The following ARFGEF1 variants were observed in gnomAD, a reference collection of about 807,000 sequenced individuals.
The protein encoded by ARFGEF1 is ARF guanine nucleotide exchange factor 1.
Under a neutral mutation model 231.0 loss-of-function variants are expected in ARFGEF1, and 42 were observed. That is an observed-to-expected ratio of 0.18 (90% CI 0.14 to 0.24). The LOEUF (loss-of-function observed/expected upper bound fraction) is 0.24, where lower values mean the gene tolerates loss of function less well. Among genes scored for constraint, ARFGEF1 ranks in the 10% least tolerant of loss-of-function variants. ARFGEF1 has a pLI of 1.00. For synonymous variants in ARFGEF1, 710 were observed against 732.3 expected (o/e 0.97, Z 0.49); for missense variants, 1,345 against 2,192.0 (o/e 0.61, Z 7.72).
intron 14 of ARFGEF1, 99 bp downstream of exon 14, chr8:67,265,907 C>T (rs1804832225): frequency 9.5e-7 from 1 of 1,047,542 alleles, no homozygotes. Flanking sequence ...GAACTATCCT[C>T]CATTTTACTC....
In ARFGEF1 at chr8:67,343,366, G is replaced by A. The variant is rs953890627; in HGVS notation, c.-79C>T. On this transcript the variant is annotated 5_prime_UTR_variant, in exon 1 of 39. Transcript: ENST00000262215. ...AGGGGAGGAGGAGGAGAGGAAGGAA[G>A]AGAAGAGAGAAAGGAGAGGGGGTGG... 5.5e-5 allele frequency: 83 copies of A among 1,510,416 alleles called. No homozygotes were observed. Among genetic ancestry groups the A allele is most frequent in the African/African-American group, 9.7e-5 (7 of 72,410 alleles). 93.6% of individuals were successfully genotyped at this position (1,510,416 alleles called of 1,614,324 possible).
At chr8:67,228,298 T>C (rs1206437225) in intron 23 of ARFGEF1, 34 bp from the exon 24 acceptor site, 11 of 1,576,644 alleles carry the variant, frequency 7.0e-6, no homozygotes, top group Non-Finnish European at 8.7e-6. Flanking sequence ...AAAAAATTTA[T>C]AAGTTACTGT....
At chr8:67,184,622 G>A (rs188947045) in intron 5 of ARFGEF1, among the ~76,000 whole-genome samples, 185 of 152,166 alleles carry the variant, frequency 1.2e-3, no homozygotes, top group Non-Finnish European at 2.3e-3. Context: ...CTATCTGGGA[G>A]GCTGAGGCAG....
intron 30 of ARFGEF1, 62 bp downstream of exon 30, chr8:67,219,369 G>C: frequency 2.6e-6 from 4 of 1,535,608 alleles, no homozygotes; most frequent in Non-Finnish European, 3.5e-6. Context: ...AAAATGTATT[G>C]ATTATAATAC....
chr8:67,247,197 A>G (rs2128882468), intron 19 of ARFGEF1, among the ~76,000 whole-genome samples: 1 of 150,442 alleles, frequency 6.6e-6, no homozygotes, highest in East Asian at 1.9e-4. Flanking sequence ...TATTCAAACT[A>G]TTCTGAGAAA....
chr8:67,234,443 T>C (rs1373833389), intron 22 of ARFGEF1, among the ~76,000 whole-genome samples: 1 of 152,068 alleles, frequency 6.6e-6, no homozygotes, highest in Non-Finnish European at 1.5e-5. Context: ...AACCTGGACC[T>C]AGAAGGGTAA....
intron 5 of ARFGEF1, among the ~76,000 whole-genome samples, chr8:67,295,293 A>G (rs768510598): frequency 1.3e-5 from 2 of 152,164 alleles, no homozygotes; most frequent in African/African-American, 2.4e-5. Context: ...CTGTCTTAAA[A>G]TATCTCCCCA....
At chr8:67,223,946 C>T (rs1320146752) in intron 29 of ARFGEF1, among the ~76,000 whole-genome samples, 6 of 152,012 alleles carry the variant, frequency 3.9e-5, no homozygotes, top group African/African-American at 7.3e-5. Context: ...AATTAAAATC[C>T]CTAAGGGTTA....
At chr8:67,255,315 C>T (rs1563867468) in intron 17 of ARFGEF1, among the ~76,000 whole-genome samples, 2 of 152,268 alleles carry the variant, frequency 1.3e-5, no homozygotes, top group Non-Finnish European at 1.5e-5. Flanking sequence ...CTTTTATCCT[C>T]GTGTGCTTGT....
In ARFGEF1 at chr8:67,258,818, TACAC is replaced by T. The variant is rs10576509; in HGVS notation, c.2236-532_2236-529del. Reference sequence around the variant, plus strand: ...TTTAGAAAATTTAAAAAGCAGATTTTACACACACACACACACACACACACACACA... The same window carrying T: ...TTTAGAAAATTTAAAAAGCAGATTTTACACACACACACACACACACACACA... On this transcript the variant is annotated intron_variant, in intron 15 of 38. Coordinates refer to ENST00000262215, the MANE Select transcript of ARFGEF1 (RefSeq NM_006421.5). 5.5e-3 allele frequency among the ~76,000 whole-genome samples: 782 copies of T among 142,990 alleles called. 7 individuals are homozygous for T. Among genetic ancestry groups the T allele is most frequent in the East Asian group, 0.055 (270 of 4,948 alleles). 93.8% of individuals were successfully genotyped at this position (142,990 alleles called of 152,430 possible).
chr8:67,235,141 T>C (rs1366871177), intron 22 of ARFGEF1, among the ~76,000 whole-genome samples: 3 of 149,172 alleles, frequency 2.0e-5, no homozygotes, highest in African/African-American at 4.9e-5. Context: ...AATATGTCCT[T>C]TATATTTAAA....
chr8:67,326,375 A>G (rs1330269947), intron 1 of ARFGEF1, among the ~76,000 whole-genome samples: 1 of 152,222 alleles, frequency 6.6e-6, no homozygotes, highest in Non-Finnish European at 1.5e-5. Context: ...GAGTAAATCT[A>G]TACTGGTTAA....
chr8:67,258,337 T>A (rs1204266625), intron 15 of ARFGEF1, 47 bp from the exon 16 acceptor site: 2 of 1,386,792 alleles, frequency 1.4e-6, no homozygotes, highest in Non-Finnish European at 2.0e-6. Context: ...TTCTTTTTTT[T>A]TTTTTTGAGA....
chr8:67,258,882 T>C (rs1346175003), intron 15 of ARFGEF1, among the ~76,000 whole-genome samples: 2 of 148,440 alleles, frequency 1.3e-5, no homozygotes, highest in Non-Finnish European at 2.9e-5. Flanking sequence ...CAGTGGGGGA[T>C]TGGTTCCAGG....
chr8:67,177,732 C>T lies in ARFGEF1; in HGVS notation c.561-2160G>A, dbSNP rs375100195. On this transcript the variant is annotated intron_variant, in intron 5 of 5. Transcript: ENST00000518789. Reference sequence around the variant, plus strand: ...AAGTACGAGAGCAAAGAATGGTAAGCAACCAGTTACAATTTTTCAAGTTAG... The same window carrying T: ...AAGTACGAGAGCAAAGAATGGTAAGTAACCAGTTACAATTTTTCAAGTTAG... 2.9e-5 allele frequency: 46 copies of T among 1,603,256 alleles called. No homozygotes were observed. In the African/African-American group the frequency reaches 5.6e-4, roughly 20 times the overall value.
chr8:67,300,920 C>T (rs1806458367), intron 3 of ARFGEF1, among the ~76,000 whole-genome samples: 1 of 151,468 alleles, frequency 6.6e-6, no homozygotes, highest in Non-Finnish European at 1.5e-5. Context: ...AAGTCGGCAG[C>T]AGGTTAAAAG....
intron 1 of ARFGEF1, among the ~76,000 whole-genome samples, chr8:67,307,203 T>C (rs1411898164): frequency 2.0e-5 from 3 of 152,254 alleles, no homozygotes; most frequent in East Asian, 3.8e-4. Context: ...CAAAAATACT[T>C]ATGGAATTCA....
At chr8:67,211,154 G>GC (rs981061320) in intron 34 of ARFGEF1, among the ~76,000 whole-genome samples, 4 of 151,626 alleles carry the variant, frequency 2.6e-5, no homozygotes, top group African/African-American at 9.7e-5. Flanking sequence ...GACCAGCCTG[G>GC]CCAATATGGT....
downstream of ARFGEF1, chr8:67,195,453 G>A (rs755185914): frequency 6.2e-7 from 1 of 1,614,148 alleles, no homozygotes; most frequent in Non-Finnish European, 8.5e-7. Context: ...AAACTCTGTA[G>A]CAACTGAGCC....
Sources: gnomAD v4.1 joint callset for allele counts (sites outside exome capture counted in the v4.1 genomes callset) on GRCh38, gnomAD v4.1.1 for gene constraint, MANE v1.5 for transcripts, NCBI Gene and HGNC (gene_info 2026-07-23, HGNC 2026-07-21) for gene names.